The following TMEM182 variants were observed in gnomAD, a reference collection of about 807,000 sequenced individuals.
TMEM182 encodes transmembrane protein 182.
Under a neutral mutation model 26.8 loss-of-function variants are expected in TMEM182, and 20 were observed. The ratio of observed to expected loss-of-function variants is 0.75; its 90% CI spans 0.53 to 1.09. The LOEUF is 1.09. TMEM182 is among the 50% of genes least tolerant of loss of function. The pLI is 0.00. For missense variants in TMEM182, 277 were observed against 275.5 expected, an observed-to-expected ratio of 1.01 and a Z score of -0.04; for synonymous variants, 109 against 102.2, an observed-to-expected ratio of 1.07 and a Z score of -0.40.
Position 102,805,902 on chromosome 2 carries a change from C to T in TMEM182, c.469+7902C>T, listed in dbSNP as rs180741958. Among the ~76,000 whole-genome samples, 66 of 152,082 alleles carry T rather than the reference C, an allele frequency of 4.3e-4. 1 individual carries two copies. Among genetic ancestry groups the T allele is most frequent in the African/African-American group, 1.1e-3 (45 of 41,466 alleles). ...CCAGCCTGGCAGAGCGAGATCCTGT[C>T]TCTAAAAAAACAAAAAAAACCCATA... On this transcript the variant is annotated intron_variant, in intron 4 of 4. Coordinates refer to ENST00000412401, the MANE Select transcript of TMEM182 (RefSeq NM_144632.5).
At chr2:102,767,442 C>T (rs933476323) in intron 3 of TMEM182, among the ~76,000 whole-genome samples, 1 of 152,130 alleles carries the variant, frequency 6.6e-6, no homozygotes, top group Non-Finnish European at 1.5e-5. Flanking sequence ...TTCATGTTTA[C>T]ATTCAGTCAC....
intron 3 of TMEM182, among the ~76,000 whole-genome samples, chr2:102,774,230 T>G (rs1447640845): frequency 6.6e-6 from 1 of 151,416 alleles, no homozygotes; most frequent in Non-Finnish European, 1.5e-5. Context: ...TCTCTGATGT[T>G]TTTTACACTT....
At chr2:102,828,644 T>G (rs1378501923) in intron 3 of TMEM182, among the ~76,000 whole-genome samples, 1 of 152,152 alleles carries the variant, frequency 6.6e-6, no homozygotes, top group Non-Finnish European at 1.5e-5. Context: ...GCCCATGATT[T>G]CTGGGGCCCT....
chr2:102,752,991 TAAATTGA>T (rs1679920156), intron 1 of TMEM182, among the ~76,000 whole-genome samples: 1 of 152,238 alleles, frequency 6.6e-6, no homozygotes, highest in Non-Finnish European at 1.5e-5. Flanking sequence ...ATGAGGAAAT[TAAATTGA>T]AATTACAATA....
chr2:102,803,781 T>C (rs1682240301), intron 4 of TMEM182, among the ~76,000 whole-genome samples: 1 of 151,992 alleles, frequency 6.6e-6, no homozygotes, highest in Non-Finnish European at 1.5e-5. Context: ...GGAGAGTGTG[T>C]GGGGCAAGTC....
At chr2:102,783,562 A>G (rs1239831345) in intron 3 of TMEM182, among the ~76,000 whole-genome samples, 1 of 152,182 alleles carries the variant, frequency 6.6e-6, no homozygotes, top group East Asian at 1.9e-4. Flanking sequence ...CCATCCCTAG[A>G]AGAGCCAAGT....
chr2:102,764,851 A>G (rs2104661675), intron 3 of TMEM182, among the ~76,000 whole-genome samples: 1 of 151,272 alleles, frequency 6.6e-6, no homozygotes, highest in South Asian at 2.1e-4. Context: ...TACAATAAAT[A>G]TATATGATAT....
intron 3 of TMEM182, among the ~76,000 whole-genome samples, chr2:102,772,047 A>G (rs1273696373): frequency 6.6e-6 from 1 of 152,174 alleles, no homozygotes; most frequent in Non-Finnish European, 1.5e-5. Flanking sequence ...TACTGCTTAC[A>G]CTGTGTGCTC....
chr2:102,803,537 G>T (rs555191805), intron 4 of TMEM182, among the ~76,000 whole-genome samples: 8 of 152,276 alleles, frequency 5.3e-5, no homozygotes, highest in Non-Finnish European at 1.2e-4. Flanking sequence ...AAAAGAAATG[G>T]CAATAGCCCA....
rs76898435 is a variant in TMEM182, at chr2:102,841,940, G to A, written c.326-1472G>A. 5.9e-5 allele frequency among the ~76,000 whole-genome samples: 9 copies of A among 152,268 alleles called. No homozygotes were observed. The South Asian group carries it at 8.3e-4, about 14-fold the overall frequency. ...CTCCATTCCATGACAGGGTAATTGC[G>A]AAGGTTAAATGAAATGTATTCAGGA... On this transcript the variant is annotated intron_variant, in intron 3 of 3. Transcript: ENST00000486293.
chr2:102,780,752 C>CAA (rs1385581126), intron 3 of TMEM182, among the ~76,000 whole-genome samples: 1 of 152,142 alleles, frequency 6.6e-6, no homozygotes, highest in Non-Finnish European at 1.5e-5. Flanking sequence ...TTGTTACAAA[C>CAA]TGTGGAGGAG....
rs59374519 is a variant in TMEM182 at position 102,804,835 on chromosome 2, C to T, written c.469+6835C>T. ...AATTAGTGTCTTCAGTTTTGATGAT[C>T]AAAAGACCCAGGTGCACTAGATCTG... On this transcript the variant is annotated intron_variant, in intron 4 of 4. Coordinates refer to ENST00000412401, the MANE Select transcript of TMEM182 (RefSeq NM_144632.5). 3.7e-4 allele frequency among the ~76,000 whole-genome samples: 57 copies of T among 152,268 alleles called. No individual in the cohort carries two copies. In the East Asian group the frequency reaches 0.01, roughly 28 times the overall value.
chr2:102,755,250 C>T (rs1679996745), intron 1 of TMEM182, among the ~76,000 whole-genome samples: 2 of 152,146 alleles, frequency 1.3e-5, no homozygotes, highest in South Asian at 4.1e-4. Context: ...TAGCCAGGCA[C>T]GTTATTCCTT....
rs1185938662 is a variant in TMEM182 at position 102,815,820 on chromosome 2, G to A, written c.*852G>A. ...TTAAAAATTATATTGCTATCATTCA[G>A]CATGTGAAAATTTATTGATAAAATG... is the stretch of plus-strand genomic sequence containing the variant. On this transcript the variant is annotated 3_prime_UTR_variant, in exon 5 of 5. Transcript: ENST00000412401. 3.3e-6 allele frequency: 3 copies of A among 912,170 alleles called. No individual in the cohort carries two copies. The highest frequency in any genetic ancestry group is 2.4e-4 in the East Asian group (2 of 8,454). The allele number at this position is 912,170 out of a possible 1,614,324, so 56.5% of individuals were successfully genotyped here. A position where few individuals can be genotyped will look rare whatever the true frequency, so the allele number is the denominator to read the frequency against.
chr2:102,823,808 T>C (rs1682974541), intron 3 of TMEM182, among the ~76,000 whole-genome samples: 2 of 152,246 alleles, frequency 1.3e-5, no homozygotes, highest in Non-Finnish European at 2.9e-5. Flanking sequence ...TTTAGTTTTG[T>C]TCCTATCTGG....
At chr2:102,762,716 T>C in intron 2 of TMEM182, 30 bp downstream of exon 2, 1 of 1,568,594 alleles carries the variant, frequency 6.4e-7, no homozygotes, top group South Asian at 1.1e-5. Context: ...ATTTTCCCTC[T>C]TGTCTGTAAA....
intron 3 of TMEM182, among the ~76,000 whole-genome samples, chr2:102,778,759 T>G (rs1352873773): frequency 6.6e-6 from 1 of 152,130 alleles, no homozygotes. Flanking sequence ...TGCAAAACTT[T>G]ACCTTCTTTA....
chr2:102,751,069 C>G (rs1414527310), intron 1 of TMEM182, among the ~76,000 whole-genome samples: 1 of 152,088 alleles, frequency 6.6e-6, no homozygotes, highest in Non-Finnish European at 1.5e-5. Flanking sequence ...AGGTAGTACC[C>G]AAGGTTCATT....
intron 3 of TMEM182, among the ~76,000 whole-genome samples, chr2:102,772,553 G>A (rs748392317): frequency 1.5e-4 from 23 of 152,026 alleles, no homozygotes; most frequent in Non-Finnish European, 2.8e-4. Flanking sequence ...TCCTTCTTTC[G>A]GGGACTAGAT....
Sources: gnomAD v4.1 joint callset for allele counts (sites outside exome capture counted in the v4.1 genomes callset) on GRCh38, gnomAD v4.1.1 for gene constraint, MANE v1.5 for transcripts, NCBI Gene and HGNC (gene_info 2026-07-23, HGNC 2026-07-21) for gene names.